Variants in COL22A1 observed in about 807,000 individuals in gnomAD.
COL22A1 encodes collagen type XXII alpha 1 chain.
A neutral mutation model predicts 248.9 loss-of-function variants in COL22A1; 221 were observed. That is an observed-to-expected ratio of 0.89 (90% CI 0.80 to 0.99). The LOEUF is 0.99. COL22A1 is among the 50% of genes least tolerant of loss of function. The probability of loss-of-function intolerance (pLI) is 0.00; values close to 1 mark genes in which losing one functional copy is unlikely to be tolerated. For missense variants in COL22A1, 2,240 were observed against 2,179.0 expected, an observed-to-expected ratio of 1.03 and a Z score of -0.56; for synonymous variants, 891 against 793.4, an observed-to-expected ratio of 1.12 and a Z score of -2.07.
intron 56 of COL22A1, among the ~76,000 whole-genome samples, chr8:138,609,488 C>A (rs913379953): frequency 6.6e-6 from 1 of 152,172 alleles, no homozygotes; most frequent in African/African-American, 2.4e-5. Context: ...CATCACAGAC[C>A]TGCCAGGGAT....
chr8:138,646,454 T>G (rs1368389538), intron 47 of COL22A1, among the ~76,000 whole-genome samples, 175 bp downstream of exon 47: 1 of 152,180 alleles, frequency 6.6e-6, no homozygotes, highest in Non-Finnish European at 1.5e-5. Flanking sequence ...TTCCACACAT[T>G]GAAGTGACCT....
intron 26 of COL22A1, among the ~76,000 whole-genome samples, chr8:138,721,744 C>A (rs943613596): frequency 3.3e-5 from 5 of 152,194 alleles, no homozygotes; most frequent in Non-Finnish European, 5.9e-5. Context: ...CAGGTGCCCA[C>A]CCCCATGCCA....
At chr8:138,765,536 C>T (rs753205564) in intron 16 of COL22A1, among the ~76,000 whole-genome samples, 15 of 152,218 alleles carry the variant, frequency 9.9e-5, no homozygotes, top group African/African-American at 1.9e-4. Flanking sequence ...GGCGGACATC[C>T]GGGCCTGAGT....
chr8:138,720,631 C>G, intron 27 of COL22A1, 108 bp downstream of exon 27: 1 of 913,764 alleles, frequency 1.1e-6, no homozygotes, highest in Non-Finnish European at 1.8e-6. Context: ...CCTGCCAGGT[C>G]CCAGCTGATA....
chr8:138,896,834 G>A (rs573293736), intron 1 of COL22A1, among the ~76,000 whole-genome samples: 30 of 152,214 alleles, frequency 2.0e-4, no homozygotes, highest in Middle Eastern at 3.4e-3. Flanking sequence ...TTAGCTGAAC[G>A]TGGTGGTGAG....
intron 31 of COL22A1, among the ~76,000 whole-genome samples, chr8:138,701,569 A>T (rs1827977896): frequency 6.6e-6 from 1 of 152,260 alleles, no homozygotes. Flanking sequence ...GTTTAGAAAT[A>T]TATAACTTTG....
intron 35 of COL22A1, among the ~76,000 whole-genome samples, chr8:138,692,097 TAC>T (rs1827041341): frequency 6.9e-6 from 1 of 145,808 alleles, no homozygotes. Flanking sequence ...CGTGCATGTG[TAC>T]ACGTTTGTGG....
intron 56 of COL22A1, among the ~76,000 whole-genome samples, chr8:138,613,518 T>C (rs1819071524): frequency 6.6e-6 from 1 of 152,168 alleles, no homozygotes; most frequent in Non-Finnish European, 1.5e-5. Context: ...ATTCCATTCA[T>C]GGTACTTGGT....
intron 47 of COL22A1, among the ~76,000 whole-genome samples, chr8:138,643,920 T>C (rs1249187633): frequency 2.6e-5 from 4 of 151,986 alleles, no homozygotes; most frequent in African/African-American, 9.7e-5. Flanking sequence ...TAGCTGGAAT[T>C]ACAGATGTGC....
chr8:138,676,601 G>A lies in COL22A1; in HGVS notation c.3107C>T (p.Pro1036Leu). ...DRGAPGIPGS[P>L]GSRGDPGIGV... ...AATGCCTGGGTCACCACGGCTGCCA[G>A]GAGAACCAGGGATCCCAGGAGCTCC... The change falls in exon 41 of 65, where the codon CCT becomes CTT. Residue 1036 changes from proline (P) to leucine (L), a missense_variant. By Grantham distance (98) the Pro-to-Leu change is moderately conservative. Transcript: ENST00000303045. 1 of 1,568,522 alleles carries A rather than the reference G, an allele frequency of 6.4e-7. No homozygotes were observed. Among genetic ancestry groups the A allele is most frequent in the Non-Finnish European group, 8.7e-7 (1 of 1,155,732 alleles).
At position 138,883,087 on chromosome 8, in the gene COL22A1, C is replaced by G; in HGVS notation, c.86G>C (p.Arg29Pro). 1 of 1,581,242 alleles carries G rather than the reference C, an allele frequency of 6.3e-7. No individual in the cohort carries two copies. The highest frequency in any genetic ancestry group is 8.6e-7 in the Non-Finnish European group (1 of 1,165,602). ...WSGGGGCQAQ[R>P]AGCKSVHYDL... ...ACAGCCCACGGTGGCCCCACCTGCCCGCTGAGCCTGGCAGCCGCCGCCCCC... is the reference window on the plus strand; with the variant it reads ...ACAGCCCACGGTGGCCCCACCTGCCGGCTGAGCCTGGCAGCCGCCGCCCCC... The change falls in exon 2 of 65, where the codon CGG becomes CCG. Residue 29 changes from arginine (R) to proline (P), a missense_variant. Transcript: ENST00000303045.
At chr8:138,777,074 G>A (rs533479811) in intron 15 of COL22A1, among the ~76,000 whole-genome samples, 8 of 152,358 alleles carry the variant, frequency 5.3e-5, no homozygotes, top group Admixed American at 2.6e-4. Context: ...GGACCTCCAG[G>A]ATGAGCAGGA....
At chr8:138,838,325 C>T (rs898913539) in intron 4 of COL22A1, among the ~76,000 whole-genome samples, 2 of 152,102 alleles carry the variant, frequency 1.3e-5, no homozygotes, top group African/African-American at 4.8e-5. Context: ...CAGCCCCTCA[C>T]ACACTCACTG....
chr8:138,790,748 G>A (rs998339940), intron 12 of COL22A1, among the ~76,000 whole-genome samples: 10 of 152,098 alleles, frequency 6.6e-5, no homozygotes, highest in African/African-American at 2.4e-4. Context: ...TCACCCAAAG[G>A]GCCCCCACCC....
chr8:138,591,935 C>T (rs74996221), intron 63 of COL22A1, among the ~76,000 whole-genome samples: 2,721 of 152,234 alleles, frequency 0.018, 31 homozygotes, highest in Non-Finnish European at 0.025. Context: ...CACAGAAGTC[C>T]GCATGCATCT....
At chr8:138,868,787 A>G (rs987066345) in intron 3 of COL22A1, among the ~76,000 whole-genome samples, 32 of 151,938 alleles carry the variant, frequency 2.1e-4, no homozygotes, top group African/African-American at 7.2e-4. Flanking sequence ...CTGGAGTATA[A>G]TGGCACAATC....
chr8:138,740,124 C>T (rs1446559423), intron 22 of COL22A1, among the ~76,000 whole-genome samples: 4 of 152,162 alleles, frequency 2.6e-5, no homozygotes, highest in African/African-American at 9.7e-5. Flanking sequence ...TAGACAGACA[C>T]CCCCTCCAGT....
intron 32 of COL22A1, among the ~76,000 whole-genome samples, chr8:138,698,268 C>T (rs552088170): frequency 5.9e-5 from 9 of 152,284 alleles, no homozygotes; most frequent in Admixed American, 3.3e-4. Context: ...GACAGCCAGC[C>T]GGAACTGAAG....
chr8:138,745,887 C>G (rs1586636040), intron 22 of COL22A1, among the ~76,000 whole-genome samples: 1 of 152,310 alleles, frequency 6.6e-6, no homozygotes, highest in Middle Eastern at 3.4e-3. Context: ...GCTCCCTGAT[C>G]AACCTCCTTA....
Sources: allele counts gnomAD v4.1 joint callset (sites outside exome capture counted in the v4.1 genomes callset), GRCh38; gene constraint gnomAD v4.1.1; transcripts MANE v1.5; gene names NCBI Gene and HGNC (gene_info 2026-07-23, HGNC 2026-07-21).